Variants in TTLL10 observed in about 807,000 individuals in gnomAD.
The protein encoded by TTLL10 is tubulin tyrosine ligase like 10, also known as inactive polyglycylase TTLL10.
Under a neutral mutation model 69.0 loss-of-function variants are expected in TTLL10, and 61 were observed. The observed-to-expected ratio is 0.88, with a 90% CI of 0.72 to 1.09. The LOEUF is 1.09. Among genes scored for constraint, TTLL10 ranks in the 50% least tolerant of loss-of-function variants. TTLL10 has a pLI of 0.00. For synonymous variants in TTLL10, 408 were observed against 393.3 expected, an observed-to-expected ratio of 1.04 and a Z score of -0.44; for missense variants, 962 against 945.9, an observed-to-expected ratio of 1.02 and a Z score of -0.22.
At position 1,179,509 on chromosome 1, in the gene TTLL10, C is replaced by A. The variant is rs977136982; in HGVS notation, c.119-148C>A. 11 of 1,366,220 alleles carry A rather than the reference C, an allele frequency of 8.1e-6. No homozygotes were observed. The African/African-American group carries it at 1.3e-4, about 16-fold the overall frequency. The allele number at this position is 1,366,220 out of a possible 1,614,324, so 84.6% of individuals were successfully genotyped here. On this transcript the variant is annotated intron_variant, in intron 4 of 15. Transcript: ENST00000379289. ...AGCTGTGGGCGCCGGGCTCTGCAGGCACAGAGGGGAGCTGTCGCGCTCCGC... is the reference window on the plus strand; with the variant it reads ...AGCTGTGGGCGCCGGGCTCTGCAGGAACAGAGGGGAGCTGTCGCGCTCCGC...
At chr1:1,184,169 C>T in intron 12 of TTLL10, 78 bp downstream of exon 12, 7 of 1,575,612 alleles carry the variant, frequency 4.4e-6, no homozygotes, top group African/African-American at 1.3e-5. Context: ...CTAGGGGGTG[C>T]AGAGGGGGTG....
chr1:1,196,620 GGCCCACT>G lies in TTLL10; in HGVS notation c.1425_1431del (p.His476PhefsTer23). 1 of 1,551,728 alleles carries G rather than the reference GGCCCACT, an allele frequency of 6.4e-7. No individual in the cohort carries two copies. The highest frequency in any genetic ancestry group is 2.4e-5 in the East Asian group (1 of 40,930). On this transcript the variant is annotated frameshift_variant, in exon 14 of 16. Coordinates refer to ENST00000379289, the MANE Select transcript of TTLL10 (RefSeq NM_001130045.2). LOFTEE classifies it high-confidence loss of function. Reference sequence around the variant, plus strand: ...TGCAGAAGCGGATGCAGCAGATCATGGCCCACTGCTTTCTGGCCGCCAAGCCCAAGCT... The same window carrying G: ...TGCAGAAGCGGATGCAGCAGATCATGGCTTTCTGGCCGCCAAGCCCAAGCT...
In TTLL10 at chr1:1,185,292, C is replaced by T. The variant is rs1427471867; in HGVS notation, c.1401+183C>T. 5 of 1,408,750 alleles carry T rather than the reference C, an allele frequency of 3.5e-6. No homozygotes were observed. The highest frequency in any genetic ancestry group is 3.7e-6 in the Non-Finnish European group (4 of 1,085,182). 87.3% of individuals were successfully genotyped at this position (1,408,750 alleles called of 1,614,324 possible). A position where few individuals can be genotyped will look rare whatever the true frequency, so the allele number is the denominator to read the frequency against. ...GCTCACTTAGCTGGCAGTGCCTGTCCCCAGCAGCCAGCAAAGGCCCGGACG... is the reference window on the plus strand; with the variant it reads ...GCTCACTTAGCTGGCAGTGCCTGTCTCCAGCAGCCAGCAAAGGCCCGGACG... On this transcript the variant is annotated intron_variant, in intron 13 of 15. Transcript: ENST00000379289. This position sits in a 1 kb window ranked among gnomAD's most constrained non-coding sequence, Gnocchi z 6.1.
intron 5 of TTLL10, 25 bp from the exon 6 acceptor site, chr1:1,180,009 C>T (rs746167105): frequency 9.3e-6 from 14 of 1,497,754 alleles, no homozygotes; most frequent in East Asian, 4.6e-5. Context: ...GTAGCCACCC[C>T]GGTGGGACCC....
chr1:1,183,978 C>T lies in TTLL10; in HGVS notation c.1147C>T (p.Leu383Phe). ...AAAGTTTGACGTGCGCTCCTACCTG[C>T]TCATTGCCTGCACCACACCCTACAT... ...GRKFDVRSYL[L>F]IACTTPYMIF... The change falls in exon 12 of 16, where the codon CTC (leucine) becomes TTC (phenylalanine). Residue 383 changes from leucine (L) to phenylalanine (F), a missense_variant. Coordinates refer to ENST00000379289, the MANE Select transcript of TTLL10 (RefSeq NM_001130045.2). 1 of 1,614,234 alleles carries T rather than the reference C, an allele frequency of 6.2e-7. No homozygotes were observed. Among genetic ancestry groups the T allele is most frequent in the Non-Finnish European group, 8.5e-7 (1 of 1,180,042 alleles).
chr1:1,191,895 G>A (rs953376420), intron 13 of TTLL10, among the ~76,000 whole-genome samples: 6 of 152,258 alleles, frequency 3.9e-5, no homozygotes, highest in African/African-American at 7.2e-5. Flanking sequence ...GACACAGATC[G>A]CTCCTGCTAT....
chr1:1,180,905 ACGCCTGCCCCTGCCCCTGCCCCTGC>A (rs1557477772), intron 8 of TTLL10, 45 bp downstream of exon 8: 3 of 1,371,648 alleles, frequency 2.2e-6, no homozygotes, highest in African/African-American at 4.9e-5. Context: ...GCCCGCCCCT[ACGCCTGCCCCTGCCCCTGCCCCTGC>A]ACCCGCCCCA....
chr1:1,182,262 C>T (rs1647094342), intron 9 of TTLL10, 99 bp from the exon 10 acceptor site: 3 of 1,079,642 alleles, frequency 2.8e-6, no homozygotes, highest in Non-Finnish European at 4.3e-6. Context: ...TGCCACTGCC[C>T]ACACTCCCTC....
At position 1,197,866 on chromosome 1, in the gene TTLL10, A is replaced by C. The variant is rs1648361125; in HGVS notation, c.*19A>C. The C allele has an allele frequency of 1.4e-6, 2 of 1,421,202 alleles. No homozygotes were observed. Among genetic ancestry groups the C allele is most frequent in the East Asian group, 5.8e-5 (2 of 34,602 alleles). 88.0% of individuals were successfully genotyped at this position (1,421,202 alleles called of 1,614,324 possible). A position where few individuals can be genotyped will look rare whatever the true frequency, so the allele number is the denominator to read the frequency against. On this transcript the variant is annotated 3_prime_UTR_variant, in exon 16 of 16. Coordinates refer to ENST00000379289, the MANE Select transcript of TTLL10 (RefSeq NM_001130045.2). ...GCCCTAGGGGCAGCCACCCGCGCCC[A>C]GCGCCCCGCGCCCCGCGCCCCAGCC... is the stretch of plus-strand genomic sequence containing the variant.
Position 1,179,173 on chromosome 1 carries a change from G to C in TTLL10, c.-27-16G>C. 6.8e-7 allele frequency: 1 copy of C among 1,476,308 alleles called. No homozygotes were observed. The highest frequency in any genetic ancestry group is 9.1e-7 in the Non-Finnish European group (1 of 1,101,432). 91.5% of individuals were successfully genotyped at this position (1,476,308 alleles called of 1,614,324 possible). A position where few individuals can be genotyped will look rare whatever the true frequency, so the allele number is the denominator to read the frequency against. On this transcript the variant is annotated splice_polypyrimidine_tract_variant and intron_variant, in intron 3 of 15. Coordinates refer to ENST00000379289, the MANE Select transcript of TTLL10 (RefSeq NM_001130045.2). ...GGAGGTCCCACAGGAGGGTCAGAGC[G>C]GCATCTTCCCTTCAGGGCCCTCGCC...
chr1:1,180,948 C>G, intron 8 of TTLL10, 88 bp downstream of exon 8: 1 of 1,280,436 alleles, frequency 7.8e-7, no homozygotes, highest in Non-Finnish European at 1.0e-6. Context: ...CCACCCCTGC[C>G]CCTGCGCCCG....
Position 1,185,313 on chromosome 1 carries a change from G to A in TTLL10, c.1401+204G>A, listed in dbSNP as rs529205299. 332 of 1,396,496 alleles carry A rather than the reference G, an allele frequency of 2.4e-4. No homozygotes were observed. Among genetic ancestry groups the A allele is most frequent in the Admixed American group, 1.0e-3 (32 of 31,822 alleles). 86.5% of individuals were successfully genotyped at this position (1,396,496 alleles called of 1,614,324 possible). A position where few individuals can be genotyped will look rare whatever the true frequency, so the allele number is the denominator to read the frequency against. ...TGTCCCCAGCAGCCAGCAAAGGCCC[G>A]GACGGAAAGCCCAGTCGGGGGTCTG... On this transcript the variant is annotated intron_variant, in intron 13 of 15. Coordinates refer to ENST00000379289, the MANE Select transcript of TTLL10 (RefSeq NM_001130045.2). The surrounding 1 kb of genome is among the most constrained non-coding windows in gnomAD (Gnocchi z 6.1).
Position 1,197,768 on chromosome 1 carries a change from G to A in TTLL10, c.1943G>A (p.Gly648Asp), listed in dbSNP as rs1648347678. The A allele has an allele frequency of 3.3e-6, 5 of 1,535,268 alleles. No homozygotes were observed. Among genetic ancestry groups the A allele is most frequent in the Non-Finnish European group, 3.5e-6 (4 of 1,142,300 alleles). The change falls in exon 16 of 16, where the codon GGC becomes GAC. Residue 648 changes from glycine (G) to aspartate (D), a missense_variant. By Grantham distance (94) the Gly-to-Asp change is moderately conservative. Coordinates refer to ENST00000379289, the MANE Select transcript of TTLL10 (RefSeq NM_001130045.2). The stretch of plus-strand genomic sequence containing the variant: ...CCGGGCACGGAGCAGTCGGGCACAG[G>A]CAACAGGCACCCGGCGCAAGAGCCT... The part of the protein sequence containing the change: ...QAPGTEQSGT[G>D]NRHPAQEPSP...
chr1:1,179,333 G>T lies in TTLL10; in HGVS notation c.118G>T (p.Gly40Trp). 6.4e-7 allele frequency: 1 copy of T among 1,551,038 alleles called. No individual in the cohort carries two copies. Among genetic ancestry groups the T allele is most frequent in the Non-Finnish European group, 8.7e-7 (1 of 1,146,660 alleles). ...GCAGAGGCCTCGGGCTCGAGTCTCA[G>T]GTGAATAGAGCAGCCCTGGGTGGCC... ...IQQRPRARVS[G>W]TIPASRLHPA... Residue 40 changes from glycine to tryptophan, a missense_variant and splice_region_variant, in exon 4 of 16, where the codon GGG becomes TGG. Gly to Trp is a radical substitution (Grantham distance 184). Coordinates refer to ENST00000379289, the MANE Select transcript of TTLL10 (RefSeq NM_001130045.2).
intron 3 of TTLL10, chr1:1,175,540 C>T (rs972215282): frequency 1.3e-5 from 5 of 375,340 alleles, no homozygotes; most frequent in South Asian, 6.0e-5. Flanking sequence ...TCAGAGTTGG[C>T]GATCGCCTTG....
At chr1:1,193,446 T>C (rs1394253888) in intron 13 of TTLL10, among the ~76,000 whole-genome samples, 2 of 152,310 alleles carry the variant, frequency 1.3e-5, no homozygotes, top group African/African-American at 4.8e-5. Context: ...CCTATTGTTT[T>C]AGAGAGATAT....
In TTLL10 at chr1:1,175,891, G is replaced by A. The variant is rs539892423; in HGVS notation, c.-28+1402G>A. 420 of 410,638 alleles carry A rather than the reference G, an allele frequency of 1.0e-3. 1 individual carries two copies. Among genetic ancestry groups the A allele is most frequent in the African/African-American group, 8.1e-3 (369 of 45,728 alleles). 25.4% of individuals were successfully genotyped at this position (410,638 alleles called of 1,614,324 possible). On this transcript the variant is annotated intron_variant, in intron 3 of 15. Coordinates refer to ENST00000379289, the MANE Select transcript of TTLL10 (RefSeq NM_001130045.2). ...GCCGTGCAGGTGGAGAGAGGCTGCCGCTGTGCCGGTGGAGAGGCTGCTGCT... is the reference window on the plus strand; with the variant it reads ...GCCGTGCAGGTGGAGAGAGGCTGCCACTGTGCCGGTGGAGAGGCTGCTGCT...
chr1:1,174,620 C>G (rs1646823314), intron 3 of TTLL10, 131 bp downstream of exon 3: 1 of 152,252 alleles, frequency 6.6e-6, no homozygotes, highest in Non-Finnish European at 1.5e-5. Flanking sequence ...CCAAGTCCCA[C>G]CGCTATAAAG....
Position 1,182,884 on chromosome 1 carries a change from A to T in TTLL10, c.925A>T (p.Ile309Leu). 2 of 1,584,198 alleles carry T rather than the reference A, an allele frequency of 1.3e-6. No individual in the cohort carries two copies. The highest frequency in any genetic ancestry group is 1.3e-5 in the African/African-American group (1 of 74,336). The change falls in exon 11 of 16, where the codon ATA becomes TTA. Residue 309 changes from isoleucine to leucine, a missense_variant. Physicochemically the swap from Ile to Leu is conservative, Grantham distance 5. Coordinates refer to ENST00000379289, the MANE Select transcript of TTLL10 (RefSeq NM_001130045.2). Reference sequence around the variant, plus strand: ...GGCCGCGCTCTCTGCAGAAACCCAGATATGGATCTGCAAGCCCACAGCCTC... The same window carrying T: ...GGCCGCGCTCTCTGCAGAAACCCAGTTATGGATCTGCAAGCCCACAGCCTC... ...AFFTLFDETQ[I>L]WICKPTASNQ...
Sources: allele counts gnomAD v4.1 joint callset (sites outside exome capture counted in the v4.1 genomes callset), GRCh38; gene constraint gnomAD v4.1.1; non-coding constraint Gnocchi (gnomAD v3.1); transcripts MANE v1.5; gene names NCBI Gene and HGNC (gene_info 2026-07-23, HGNC 2026-07-21).